The following TM9SF3 variants were observed in gnomAD, a reference collection of about 807,000 sequenced individuals.
TM9SF3 encodes transmembrane 9 superfamily member 3, also known as SM-11044-binding protein.
In TM9SF3, 14 loss-of-function variants were observed where a neutral mutation model predicts 78.6. The observed-to-expected ratio is 0.18, with a 90% CI of 0.12 to 0.28. The LOEUF (loss-of-function observed/expected upper bound fraction) is 0.28. Among genes scored for constraint, TM9SF3 ranks in the 10% least tolerant of loss-of-function variants. The pLI is 1.00. For missense variants in TM9SF3, 496 were observed against 721.9 expected, an observed-to-expected ratio of 0.69 and a Z score of 3.59; for synonymous variants, 231 against 241.7, an observed-to-expected ratio of 0.96 and a Z score of 0.41.
rs1847747441 is a variant in TM9SF3 at position 96,520,227 on chromosome 10, T to TTA, written c.*2034_*2035dup. The TTA allele has an allele frequency of 6.6e-6, 1 of 151,860 alleles. No homozygotes were observed. Among genetic ancestry groups the TTA allele is most frequent in the South Asian group, 2.1e-4 (1 of 4,824 alleles). 9.4% of individuals were successfully genotyped at this position (151,860 alleles called of 1,614,324 possible). A position where few individuals can be genotyped will look rare whatever the true frequency, so the allele number is the denominator to read the frequency against. ...AATATAGGCAACTAAATATTAACTT[T>TTA]TAGTTTCTTTTTTATAAGATCTTAA... is the stretch of plus-strand genomic sequence containing the variant. On this transcript the variant is annotated 3_prime_UTR_variant, in exon 15 of 15. Coordinates refer to ENST00000371142, the MANE Select transcript of TM9SF3 (RefSeq NM_020123.4).
At chr10:96,572,038 G>A (rs1225565456) in intron 2 of TM9SF3, among the ~76,000 whole-genome samples, 1 of 152,134 alleles carries the variant, frequency 6.6e-6, no homozygotes, top group Non-Finnish European at 1.5e-5. Flanking sequence ...AGGGTGCAAT[G>A]GTGAATAAGA....
chr10:96,538,600 C>A (rs1047223326), intron 9 of TM9SF3, among the ~76,000 whole-genome samples: 6 of 151,832 alleles, frequency 4.0e-5, no homozygotes, highest in African/African-American at 1.5e-4. Context: ...AAAAGACAAC[C>A]CACAAAATAG....
intron 7 of TM9SF3, among the ~76,000 whole-genome samples, chr10:96,550,264 T>C (rs1848151259): frequency 6.6e-6 from 1 of 152,224 alleles, no homozygotes; most frequent in Non-Finnish European, 1.5e-5. Context: ...TGTAGGTACT[T>C]TGAGAATTCA....
chr10:96,583,294 T>A (rs1371301360), intron 1 of TM9SF3, among the ~76,000 whole-genome samples: 1 of 152,110 alleles, frequency 6.6e-6, no homozygotes, highest in Non-Finnish European at 1.5e-5. Context: ...TTAAAAAATT[T>A]AAAACTTCAA....
chr10:96,522,372 G>C, intron 14 of TM9SF3, 42 bp from the exon 15 acceptor site: 1 of 1,455,992 alleles, frequency 6.9e-7, no homozygotes, highest in East Asian at 2.5e-5. Context: ...AATACATACA[G>C]AGCAGTATCC....
chr10:96,540,650 C>A (rs1848015032), intron 9 of TM9SF3, among the ~76,000 whole-genome samples: 1 of 151,336 alleles, frequency 6.6e-6, no homozygotes, highest in South Asian at 2.1e-4. Context: ...CATCACTGAT[C>A]CCACACAATG....
At chr10:96,551,506 C>T in intron 6 of TM9SF3, 95 bp from the exon 7 acceptor site, 2 of 893,370 alleles carry the variant, frequency 2.2e-6, no homozygotes, top group Non-Finnish European at 3.1e-6. Flanking sequence ...AGTTTCCTCC[C>T]TCCAAATTTA....
intron 2 of TM9SF3, among the ~76,000 whole-genome samples, chr10:96,570,853 C>A (rs1271544856): frequency 6.6e-6 from 1 of 152,180 alleles, no homozygotes; most frequent in African/African-American, 2.4e-5. Flanking sequence ...TCAAGCAATT[C>A]TCCTGCCTCG....
intron 5 of TM9SF3, among the ~76,000 whole-genome samples, chr10:96,558,240 T>C (rs899447302): frequency 6.6e-6 from 1 of 152,140 alleles, no homozygotes; most frequent in African/African-American, 2.4e-5. Flanking sequence ...CTATTGAAGA[T>C]TGCCTGAGCA....
At chr10:96,554,698 T>G (rs1363143859) in intron 5 of TM9SF3, among the ~76,000 whole-genome samples, 4 of 152,158 alleles carry the variant, frequency 2.6e-5, no homozygotes, top group Non-Finnish European at 4.4e-5. Flanking sequence ...ATTGCTAGTC[T>G]TCTTTCTCAC....
chr10:96,586,859 G>GCCGGCTCA lies in TM9SF3; in HGVS notation c.-32_-25dup. 1 of 1,198,408 alleles carries GCCGGCTCA rather than the reference G, an allele frequency of 8.3e-7. No individual in the cohort carries two copies. Among genetic ancestry groups the GCCGGCTCA allele is most frequent in the Non-Finnish European group, 1.0e-6 (1 of 969,222 alleles). The allele number at this position is 1,198,408 out of a possible 1,614,324, so 74.2% of individuals were successfully genotyped here. ...ATCCTCCGCGCCCCTCCGGCCCGGA[G>GCCGGCTCA]CCGGCTCACCGACTCCTCCTCCCGC... On this transcript the variant is annotated 5_prime_UTR_variant, in exon 1 of 15. Transcript: ENST00000371142.
intron 7 of TM9SF3, 57 bp from the exon 8 acceptor site, chr10:96,548,046 TA>T (rs1298666102): frequency 9.7e-6 from 11 of 1,128,854 alleles, no homozygotes; most frequent in Non-Finnish European, 1.4e-5. Flanking sequence ...GAAAACATCA[TA>T]GTCTATTATA....
rs1262448805 is a variant in TM9SF3 at position 96,521,571 on chromosome 10, CT to C, written c.*691del. On this transcript the variant is annotated 3_prime_UTR_variant, in exon 15 of 15. Coordinates refer to ENST00000371142, the MANE Select transcript of TM9SF3 (RefSeq NM_020123.4). ...TAGAGAGTACACTTCTGTCTTCAAA[CT>C]GTATCTTCTTTGGATGGAATTAAGA... 6.6e-6 allele frequency: 1 copy of C among 152,378 alleles called. No homozygotes were observed. Among genetic ancestry groups the C allele is most frequent in the Non-Finnish European group, 1.5e-5 (1 of 67,882 alleles). The allele number at this position is 152,378 out of a possible 1,614,324, so 9.4% of individuals were successfully genotyped here.
In TM9SF3 at chr10:96,576,901, T is replaced by A. The variant is rs889687981; in HGVS notation, c.103-72A>T. The A allele has an allele frequency of 5.3e-6, 7 of 1,309,112 alleles. No homozygotes were observed. The South Asian group carries it at 1.3e-4, about 24-fold the overall frequency. 81.1% of individuals were successfully genotyped at this position (1,309,112 alleles called of 1,614,324 possible). Reference sequence around the variant, plus strand: ...ATTCAAATTAAGGGAATATTTGTTGTGTGTTCTAAACAAAAGTGCATCATC... The same window carrying A: ...ATTCAAATTAAGGGAATATTTGTTGAGTGTTCTAAACAAAAGTGCATCATC... On this transcript the variant is annotated intron_variant, in intron 1 of 14. Coordinates refer to ENST00000371142, the MANE Select transcript of TM9SF3 (RefSeq NM_020123.4).
In TM9SF3 at chr10:96,563,970, C is replaced by T. The variant is rs1261047174; in HGVS notation, c.421+1334G>A. On this transcript the variant is annotated intron_variant, in intron 3 of 14. Coordinates refer to ENST00000371142, the MANE Select transcript of TM9SF3 (RefSeq NM_020123.4). Reference sequence around the variant, plus strand: ...CAGGAAAGCACAGTTGCCACTGTTGCTAACGAGCCCACAGCTGTGAATGAA... The same window carrying T: ...CAGGAAAGCACAGTTGCCACTGTTGTTAACGAGCCCACAGCTGTGAATGAA... Among the ~76,000 whole-genome samples the T allele has an allele frequency of 4.6e-5, 7 of 152,138 alleles. No homozygotes were observed. The South Asian group carries it at 1.5e-3, about 32-fold the overall frequency.
rs955628838 is a variant in TM9SF3, at chr10:96,520,736, T to C, written c.*1527A>G. 2.5e-6 allele frequency: 1 copy of C among 392,908 alleles called. No individual in the cohort carries two copies. The highest frequency in any genetic ancestry group is 4.5e-6 in the Non-Finnish European group (1 of 222,078). The allele number at this position is 392,908 out of a possible 1,614,324, so 24.3% of individuals were successfully genotyped here. On this transcript the variant is annotated 3_prime_UTR_variant, in exon 15 of 15. Coordinates refer to ENST00000371142, the MANE Select transcript of TM9SF3 (RefSeq NM_020123.4). ...CAGTACGTTAACCACTTTTACCCCA[T>C]CCCCACTTTACACGGTACACCAACC...
At chr10:96,582,693 T>G (rs1254715771) in intron 1 of TM9SF3, among the ~76,000 whole-genome samples, 3 of 152,216 alleles carry the variant, frequency 2.0e-5, no homozygotes, top group Non-Finnish European at 4.4e-5. Context: ...ATATTCTAGA[T>G]ATGTACATAC....
chr10:96,579,089 C>T (rs1461416010), intron 1 of TM9SF3, among the ~76,000 whole-genome samples: 1 of 152,158 alleles, frequency 6.6e-6, no homozygotes, highest in Non-Finnish European at 1.5e-5. Flanking sequence ...CAAGAAGAAC[C>T]TATTCACCAA....
At chr10:96,567,293 C>G (rs1460277534) in intron 2 of TM9SF3, among the ~76,000 whole-genome samples, 1 of 152,066 alleles carries the variant, frequency 6.6e-6, no homozygotes, top group Non-Finnish European at 1.5e-5. Flanking sequence ...ACCATGTTAG[C>G]AGGCTGGTCT....
Sources: gnomAD v4.1 joint callset for allele counts (sites outside exome capture counted in the v4.1 genomes callset) on GRCh38, gnomAD v4.1.1 for gene constraint, MANE v1.5 for transcripts, NCBI Gene and HGNC (gene_info 2026-07-23, HGNC 2026-07-21) for gene names.